The following ASB5 variants were observed in gnomAD, a reference collection of about 807,000 sequenced individuals.
The protein encoded by ASB5 is ankyrin repeat and SOCS box containing 5, also known as ankyrin repeat and SOCS box protein 5.
ASB5 carries 45 observed loss-of-function variants against 42.1 expected under a neutral mutation model. The ratio of observed to expected loss-of-function variants is 1.07; its 90% CI spans 0.84 to 1.37. The LOEUF is 1.37. ASB5 is among the 40% of genes most tolerant of loss of function. The probability of loss-of-function intolerance (pLI) is 0.00; values close to 1 mark genes in which losing one functional copy is unlikely to be tolerated. For missense variants in ASB5, 402 were observed against 399.8 expected, an observed-to-expected ratio of 1.01 and a Z score of -0.05; for synonymous variants, 147 against 150.6, an observed-to-expected ratio of 0.98 and a Z score of 0.18.
chr4:176,266,978 G>A (rs1351586636), intron 1 of ASB5, among the ~76,000 whole-genome samples: 2 of 152,154 alleles, frequency 1.3e-5, no homozygotes, highest in Non-Finnish European at 1.5e-5. Flanking sequence ...GAGGGGATGA[G>A]TGTTTCTTTT....
intron 1 of ASB5, among the ~76,000 whole-genome samples, chr4:176,258,396 T>G (rs1216931196): frequency 6.6e-6 from 1 of 152,220 alleles, no homozygotes; most frequent in Admixed American, 6.6e-5. Flanking sequence ...ATTCTCTTTT[T>G]TTAAGGTCTT....
intron 5 of ASB5, among the ~76,000 whole-genome samples, chr4:176,218,621 AATATATATTTGTATGATATATAAAT>A (rs1357030549): frequency 0.016 from 1,626 of 100,876 alleles, 4 homozygotes; most frequent in African/African-American, 0.021. Context: ...ATGATATATA[AATATATATTTGTATGATATATAAAT>A]ATATATATTT....
intron 1 of ASB5, among the ~76,000 whole-genome samples, chr4:176,245,452 G>T (rs945964877): frequency 6.6e-6 from 1 of 152,156 alleles, no homozygotes; most frequent in Non-Finnish European, 1.5e-5. Flanking sequence ...GTTGGTGGGA[G>T]TATAAACTAG....
intron 1 of ASB5, among the ~76,000 whole-genome samples, chr4:176,226,151 T>C (rs970286947): frequency 6.6e-6 from 1 of 152,062 alleles, no homozygotes. Context: ...CCAGAGGAGA[T>C]TGTCTTGTGA....
At position 176,222,334 on chromosome 4, in the gene ASB5, A is replaced by G; in HGVS notation, c.363T>C (p.Thr121=). ...CLGDHVACAR[T]LLEAGANVNA... is the part of the protein sequence containing the mutation. ...TTACATTAGCTCCTGCTTCCAGCAGAGTTCTGGCACATGCCACGTGATCTC... is the reference window on the plus strand; with the variant it reads ...TTACATTAGCTCCTGCTTCCAGCAGGGTTCTGGCACATGCCACGTGATCTC... Residue 121 remains threonine (T), a synonymous_variant, in exon 3 of 7, where the codon ACT becomes ACC. Coordinates refer to ENST00000296525, the MANE Select transcript of ASB5 (RefSeq NM_080874.4). 3 of 1,613,540 alleles carry G rather than the reference A, an allele frequency of 1.9e-6. No homozygotes were observed. Among genetic ancestry groups the G allele is most frequent in the Non-Finnish European group, 2.5e-6 (3 of 1,179,422 alleles).
chr4:176,218,195 TATATAAATATATATATTTGTATG>T lies in ASB5; in HGVS notation c.671-1209_671-1187del, dbSNP rs1561249931. Among the ~76,000 whole-genome samples the T allele has an allele frequency of 3.2e-3, 290 of 91,976 alleles. 43 individuals carry two copies. The highest frequency in any genetic ancestry group is 3.3e-3 in the African/African-American group (83 of 25,176). 60.3% of individuals were successfully genotyped at this position (91,976 alleles called of 152,430 possible). ...TATATAAATATATATATTTGTATGA[TATATAAATATATATATTTGTATG>T]ATATAAATATATATATATTTGTATG... On this transcript the variant is annotated intron_variant, in intron 5 of 6. Transcript: ENST00000296525.
chr4:176,259,076 C>T (rs544626888), intron 1 of ASB5, among the ~76,000 whole-genome samples: 1 of 152,004 alleles, frequency 6.6e-6, no homozygotes, highest in South Asian at 2.1e-4. Flanking sequence ...GCATTTTCAT[C>T]ATAACTATGG....
At chr4:176,265,264 C>A (rs1754334942) in intron 1 of ASB5, among the ~76,000 whole-genome samples, 1 of 152,142 alleles carries the variant, frequency 6.6e-6, no homozygotes, top group South Asian at 2.1e-4. Flanking sequence ...CCATGTGCAC[C>A]CATAAATCCA....
upstream of ASB5, among the ~76,000 whole-genome samples, chr4:176,272,015 A>G (rs556457431): frequency 4.6e-5 from 7 of 152,260 alleles, no homozygotes; most frequent in African/African-American, 1.7e-4. Context: ...ATACAAGATT[A>G]TATGTAATCA....
At chr4:176,226,243 C>A (rs1383604772) in intron 1 of ASB5, among the ~76,000 whole-genome samples, 1 of 152,126 alleles carries the variant, frequency 6.6e-6, no homozygotes, top group East Asian at 1.9e-4. Flanking sequence ...AACAAAAAAA[C>A]CTCTCCTGGT....
intron 1 of ASB5, among the ~76,000 whole-genome samples, chr4:176,257,612 C>T (rs1364168811): frequency 1.3e-5 from 2 of 152,146 alleles, no homozygotes; most frequent in African/African-American, 2.4e-5. Flanking sequence ...AAATAAATGG[C>T]TTATTTTTGG....
At position 176,214,459 on chromosome 4, in the gene ASB5, G is replaced by A. The variant is rs1181534560; in HGVS notation, c.*1141C>T. ...GCACTCAAGTATAGTTAAAGCTGAAGAGAATAAACGTAGTATTTACCCTTG... is the reference window on the plus strand; with the variant it reads ...GCACTCAAGTATAGTTAAAGCTGAAAAGAATAAACGTAGTATTTACCCTTG... On this transcript the variant is annotated 3_prime_UTR_variant, in exon 7 of 7. Coordinates refer to ENST00000296525, the MANE Select transcript of ASB5 (RefSeq NM_080874.4). 1 of 152,042 alleles carries A rather than the reference G, an allele frequency of 6.6e-6. No homozygotes were observed. The highest frequency in any genetic ancestry group is 2.4e-5 in the African/African-American group (1 of 41,422). 9.4% of individuals were successfully genotyped at this position (152,042 alleles called of 1,614,324 possible). A position where few individuals can be genotyped will look rare whatever the true frequency, so the allele number is the denominator to read the frequency against.
Position 176,215,184 on chromosome 4 carries a change from T to C in ASB5, c.*416A>G, listed in dbSNP as rs1021146372. 2 of 153,018 alleles carry C rather than the reference T, an allele frequency of 1.3e-5. No individual in the cohort carries two copies. Among genetic ancestry groups the C allele is most frequent in the African/African-American group, 4.8e-5 (2 of 41,456 alleles). The allele number at this position is 153,018 out of a possible 1,614,324, so 9.5% of individuals were successfully genotyped here. A position where few individuals can be genotyped will look rare whatever the true frequency, so the allele number is the denominator to read the frequency against. ...TGCTAAGCCATATTCATATTTTATG[T>C]CAATATCAGTAACAAGTTAGCCAAT... On this transcript the variant is annotated 3_prime_UTR_variant, in exon 7 of 7. Coordinates refer to ENST00000296525, the MANE Select transcript of ASB5 (RefSeq NM_080874.4).
intron 1 of ASB5, among the ~76,000 whole-genome samples, chr4:176,260,302 A>G (rs2126975633): frequency 6.6e-6 from 1 of 152,322 alleles, no homozygotes; most frequent in East Asian, 1.9e-4. Flanking sequence ...AATCTACCTT[A>G]AATATGGGAT....
At chr4:176,254,355 C>T (rs1377057825) in intron 1 of ASB5, among the ~76,000 whole-genome samples, 1 of 152,106 alleles carries the variant, frequency 6.6e-6, no homozygotes, top group Non-Finnish European at 1.5e-5. Context: ...AGCTGGCTAG[C>T]TATATGCAGA....
chr4:176,227,666 A>G (rs150330298), intron 1 of ASB5, among the ~76,000 whole-genome samples: 1 of 152,170 alleles, frequency 6.6e-6, no homozygotes, highest in Non-Finnish European at 1.5e-5. Flanking sequence ...GACATGCAGA[A>G]GTTAAATAAC....
rs557796356 is a variant in ASB5, at chr4:176,216,558, C to T, written c.862+260G>A. On this transcript the variant is annotated intron_variant, in intron 6 of 6. Transcript: ENST00000296525. ...TAGAGACAGGGTTTCACCATGTTGG[C>T]CAGGATGGCCTTGATCTCTTGACCT... is the stretch of plus-strand genomic sequence containing the variant. Among the ~76,000 whole-genome samples, 4 of 152,228 alleles carry T rather than the reference C, an allele frequency of 2.6e-5. No individual in the cohort carries two copies. The East Asian group carries it at 7.8e-4, about 30-fold the overall frequency.
Position 176,215,636 on chromosome 4 carries a change from C to CA in ASB5, c.953dup (p.Pro319AlafsTer15). 6.2e-7 allele frequency: 1 copy of CA among 1,612,654 alleles called. No individual in the cohort carries two copies. Among genetic ancestry groups the CA allele is most frequent in the Non-Finnish European group, 8.5e-7 (1 of 1,179,192 alleles). ...GTAAGAAATTCTTCAGTAACGTTGG[C>CA]AGCTGGAGTTGTGGGATAAGGTGCA... On this transcript the variant is annotated frameshift_variant, in exon 7 of 7. Transcript: ENST00000296525. LOFTEE classifies it high-confidence loss of function.
In ASB5 at chr4:176,221,397, A is replaced by G. The variant is rs17062631; in HGVS notation, c.535+53T>C. On this transcript the variant is annotated intron_variant, in intron 4 of 6. Transcript: ENST00000296525. ...CATTGAAAGATCAACAGAGCACTGC[A>G]GGTTGCTAAAGAAACTTTCTTCCCT... 3,100 of 1,601,874 alleles carry G rather than the reference A, an allele frequency of 1.9e-3. 40 individuals are homozygous for G. In the African/African-American group the frequency reaches 0.033, roughly 17 times the overall value.
Sources: gnomAD v4.1 joint callset for allele counts (sites outside exome capture counted in the v4.1 genomes callset) on GRCh38, gnomAD v4.1.1 for gene constraint, MANE v1.5 for transcripts, NCBI Gene and HGNC (gene_info 2026-07-23, HGNC 2026-07-21) for gene names.